The following AHCY variants were observed in gnomAD, a reference collection of about 807,000 sequenced individuals.
AHCY encodes adenosylhomocysteinase.
AHCY carries 24 observed loss-of-function variants against 45.4 expected under a neutral mutation model. That is an observed-to-expected ratio of 0.53 (90% CI 0.38 to 0.74). The LOEUF (loss-of-function observed/expected upper bound fraction) is 0.74. AHCY is among the 30% of genes least tolerant of loss of function. AHCY has a pLI of 0.00. For missense variants in AHCY, 449 were observed against 594.1 expected, an observed-to-expected ratio of 0.76 and a Z score of 2.54; for synonymous variants, 245 against 235.1, an observed-to-expected ratio of 1.04 and a Z score of -0.39.
chr20:34,287,981 C>T (rs2036242970), intron 8 of AHCY, among the ~76,000 whole-genome samples: 1 of 152,240 alleles, frequency 6.6e-6, no homozygotes, highest in African/African-American at 2.4e-5. Flanking sequence ...TAGCAGGTTT[C>T]ACCTGTGATG....
chr20:34,248,037 C>T, the AHCY span, among the ~76,000 whole-genome samples: 1 of 152,094 alleles, frequency 6.6e-6, no homozygotes, highest in East Asian at 1.9e-4. Flanking sequence ...GAAACACTGT[C>T]GCTACTAAAA....
At chr20:34,242,094 G>A in the AHCY span, among the ~76,000 whole-genome samples, 1 of 152,140 alleles carries the variant, frequency 6.6e-6, no homozygotes, top group South Asian at 2.1e-4. Context: ...CTCTGCTTCA[G>A]TGATATGGAA....
At chr20:34,295,128 G>T (rs969711363) in intron 2 of AHCY, 3 of 573,002 alleles carry the variant, frequency 5.2e-6, no homozygotes, top group Non-Finnish European at 9.5e-6. Flanking sequence ...CATGGGTGTT[G>T]AATTTTTCCT....
At chr20:34,300,108 C>T (rs1203342375) in intron 1 of AHCY, among the ~76,000 whole-genome samples, 1 of 152,150 alleles carries the variant, frequency 6.6e-6, no homozygotes, top group Non-Finnish European at 1.5e-5. Flanking sequence ...TTGCTTGAAC[C>T]TGGGAGGCGG....
the AHCY span, chr20:34,268,881 G>C: frequency 2.9e-5 from 40 of 1,386,804 alleles, no homozygotes; most frequent in Non-Finnish European, 3.8e-5. Context: ...GCAAGCCAGC[G>C]GGGAAACCTC....
the AHCY span, among the ~76,000 whole-genome samples, chr20:34,239,121 T>C: frequency 6.6e-6 from 1 of 152,208 alleles, no homozygotes; most frequent in Admixed American, 6.5e-5. Context: ...CTTTTCTGCT[T>C]TCTTTCCCTG....
At chr20:34,274,528 G>A in the AHCY span, among the ~76,000 whole-genome samples, 1 of 152,154 alleles carries the variant, frequency 6.6e-6, no homozygotes, top group Non-Finnish European at 1.5e-5. Flanking sequence ...ATGAGACCTT[G>A]TCAACACCAC....
chr20:34,269,030 C>A, the AHCY span: 5 of 1,607,874 alleles, frequency 3.1e-6, no homozygotes, highest in South Asian at 3.3e-5. Context: ...GCCCCGGACC[C>A]CCCTATCTGC....
chr20:34,310,499 A>G (rs1449257113), intron 1 of AHCY, among the ~76,000 whole-genome samples: 1 of 152,232 alleles, frequency 6.6e-6, no homozygotes, highest in Non-Finnish European at 1.5e-5. Context: ...TTAATGAACA[A>G]CACTCTGGTA....
the AHCY span, among the ~76,000 whole-genome samples, chr20:34,274,595 T>G: frequency 2.5e-4 from 38 of 152,076 alleles, no homozygotes; most frequent in Non-Finnish European, 7.3e-5. Flanking sequence ...CATCTTCTTT[T>G]CTTGGGTCAG....
In AHCY at chr20:34,298,611, G is replaced by C. The variant is rs993712163; in HGVS notation, c.29-3026C>G. Among the ~76,000 whole-genome samples the C allele has an allele frequency of 3.1e-4, 38 of 121,490 alleles. 1 individual carries two copies. In the East Asian group the frequency reaches 4.6e-3, roughly 15 times the overall value. The allele number at this position is 121,490 out of a possible 152,430, so 79.7% of individuals were successfully genotyped here. A position where few individuals can be genotyped will look rare whatever the true frequency, so the allele number is the denominator to read the frequency against. On this transcript the variant is annotated intron_variant, in intron 1 of 9. Coordinates refer to ENST00000217426, the MANE Select transcript of AHCY (RefSeq NM_000687.4). ...GACTGGGAAGTGGCGGCGGCGGGAG[G>C]GGGGGGGGTGTCTCCCTTTCCCCAG...
At chr20:34,281,428 A>G (rs1211914384) in intron 9 of AHCY, among the ~76,000 whole-genome samples, 2 of 152,036 alleles carry the variant, frequency 1.3e-5, no homozygotes, top group Admixed American at 1.3e-4. Context: ...TCATTCTTCA[A>G]CTCAAGCAGC....
At chr20:34,271,615 T>C in the AHCY span, among the ~76,000 whole-genome samples, 6 of 148,958 alleles carry the variant, frequency 4.0e-5, no homozygotes, top group East Asian at 1.2e-3. Context: ...ACCCAGGCTG[T>C]AGTGTAGTGG....
chr20:34,302,145 C>G, intron 1 of AHCY, among the ~76,000 whole-genome samples: 1 of 151,946 alleles, frequency 6.6e-6, no homozygotes, highest in East Asian at 1.9e-4. Context: ...GGAATGAAGG[C>G]GCCCGCCACC....
intron 1 of AHCY, among the ~76,000 whole-genome samples, chr20:34,297,271 A>G (rs978184418): frequency 6.6e-6 from 1 of 151,906 alleles, no homozygotes; most frequent in South Asian, 2.1e-4. Context: ...AACCCCACCA[A>G]GACATCATAT....
At chr20:34,235,981 A>C in the AHCY span, among the ~76,000 whole-genome samples, 135 of 99,444 alleles carry the variant, frequency 1.4e-3, 16 homozygotes, top group African/African-American at 0.011. Context: ...GGGAGGGAAG[A>C]AGGAAAGAAG....
At chr20:34,252,489 C>T in the AHCY span, among the ~76,000 whole-genome samples, 1 of 152,150 alleles carries the variant, frequency 6.6e-6, no homozygotes, top group Non-Finnish European at 1.5e-5. Context: ...AGTAACAGAG[C>T]AGTATTGTTG....
the AHCY span, among the ~76,000 whole-genome samples, chr20:34,272,857 C>T: frequency 6.6e-6 from 1 of 152,188 alleles, no homozygotes; most frequent in Non-Finnish European, 1.5e-5. Context: ...GCATTCCAGG[C>T]TGTGTCTCAA....
chr20:34,241,373 A>G, the AHCY span: 1 of 839,532 alleles, frequency 1.2e-6, no homozygotes, highest in Non-Finnish European at 1.4e-6. Flanking sequence ...ATTTTGTAGT[A>G]TGATTGGTTG....
Sources: allele counts gnomAD v4.1 joint callset (sites outside exome capture counted in the v4.1 genomes callset), GRCh38; gene constraint gnomAD v4.1.1; transcripts MANE v1.5; gene names NCBI Gene and HGNC (gene_info 2026-07-23, HGNC 2026-07-21).